Variants in ASAP1 observed in about 807,000 individuals in gnomAD.
ASAP1 encodes ArfGAP with SH3 domain, ankyrin repeat and PH domain 1, also known as arf-GAP with SH3 domain, ANK repeat and PH domain-containing protein 1.
A neutral mutation model predicts 145.2 loss-of-function variants in ASAP1; 43 were observed. The ratio of observed to expected loss-of-function variants is 0.30; its 90% confidence interval spans 0.23 to 0.38. The LOEUF (loss-of-function observed/expected upper bound fraction) is 0.38. ASAP1 is among the 10% of genes least tolerant of loss of function. The pLI, the probability that ASAP1 is intolerant of heterozygous loss-of-function variation, is 1.00. For missense variants in ASAP1, 1,018 were observed against 1,355.3 expected (o/e 0.75, Z 3.91); for synonymous variants, 546 against 515.5 (o/e 1.06, Z -0.80).
intron 1 of ASAP1, among the ~76,000 whole-genome samples, chr8:130,416,216 G>T (rs1829469536): frequency 3.3e-5 from 5 of 152,090 alleles, no homozygotes; most frequent in Admixed American, 2.6e-4. Context: ...TGATTTCAGG[G>T]TGCCCATTAG....
intron 3 of ASAP1, among the ~76,000 whole-genome samples, chr8:130,344,975 C>T (rs1215657023): frequency 6.6e-6 from 1 of 152,190 alleles, no homozygotes; most frequent in Non-Finnish European, 1.5e-5. Context: ...ACATCTCCAG[C>T]ATAGGTCTGT....
chr8:130,184,414 C>T (rs1177585649), intron 7 of ASAP1, among the ~76,000 whole-genome samples: 1 of 152,164 alleles, frequency 6.6e-6, no homozygotes, highest in Non-Finnish European at 1.5e-5. Context: ...GAGGGACTAA[C>T]AGGATCAAGA....
At chr8:130,057,262 G>A (rs1194690909) in intron 29 of ASAP1, among the ~76,000 whole-genome samples, 1 of 152,140 alleles carries the variant, frequency 6.6e-6, no homozygotes, top group East Asian at 1.9e-4. Context: ...CTGGGGTCAG[G>A]GCCGATCTGG....
At chr8:130,381,695 A>AT (rs1403751837) in intron 2 of ASAP1, among the ~76,000 whole-genome samples, 1 of 152,192 alleles carries the variant, frequency 6.6e-6, no homozygotes, top group African/African-American at 2.4e-5. Flanking sequence ...TAAAGGCCTT[A>AT]TATGACCAGG....
intron 13 of ASAP1, among the ~76,000 whole-genome samples, chr8:130,143,781 A>C (rs187605332): frequency 6.6e-5 from 10 of 152,350 alleles, no homozygotes; most frequent in Admixed American, 2.6e-4. Context: ...TAGACAGCTT[A>C]GTGTGCACCA....
At chr8:130,332,630 G>A (rs1304351696) in intron 3 of ASAP1, among the ~76,000 whole-genome samples, 2 of 152,132 alleles carry the variant, frequency 1.3e-5, no homozygotes, top group Non-Finnish European at 2.9e-5. Flanking sequence ...TAGAAACTCT[G>A]GATTTTTTCC....
intron 1 of ASAP1, among the ~76,000 whole-genome samples, chr8:130,412,427 T>C (rs1011039375): frequency 6.6e-6 from 1 of 151,962 alleles, no homozygotes; most frequent in African/African-American, 2.4e-5. Context: ...GCTTGGGCCA[T>C]GTGACGTGCC....
At position 130,276,728 on chromosome 8, in the gene ASAP1, A is replaced by ACACTCTCTCTCT. The variant is rs548512902; in HGVS notation, c.187-39735_187-39734insAGAGAGAGAGTG. Among the ~76,000 whole-genome samples the ACACTCTCTCTCT allele has an allele frequency of 1.8e-3, 157 of 87,304 alleles. 1 individual carries two copies. Among genetic ancestry groups the ACACTCTCTCTCT allele is most frequent in the East Asian group, 4.9e-3 (10 of 2,026 alleles). 57.3% of individuals were successfully genotyped at this position (87,304 alleles called of 152,430 possible). The stretch of plus-strand genomic sequence containing the variant: ...CACACACACACACACACACACACAC[A>ACACTCTCTCTCT]CTCTCTCTCTCTCTCTCTCTCTCTC... On this transcript the variant is annotated intron_variant, in intron 3 of 29. Coordinates refer to ENST00000518721, the MANE Select transcript of ASAP1 (RefSeq NM_018482.4).
chr8:130,326,551 T>G (rs116994893), intron 3 of ASAP1, among the ~76,000 whole-genome samples: 2 of 152,346 alleles, frequency 1.3e-5, no homozygotes, highest in Non-Finnish European at 1.5e-5. Context: ...GCAACAACTT[T>G]CATTTTTATT....
chr8:130,095,284 T>C lies in ASAP1; in HGVS notation c.2402-3141A>G, dbSNP rs753365571. On this transcript the variant is annotated intron_variant, in intron 24 of 29. Transcript: ENST00000518721. The stretch of plus-strand genomic sequence containing the variant: ...GACTCAACCACTACTTCTATCTTTT[T>C]AGGCCAGTGATTTTTTTTTTTTTTT... Among the ~76,000 whole-genome samples the C allele has an allele frequency of 9.9e-5, 15 of 150,754 alleles. No homozygotes were observed. The South Asian group carries it at 3.1e-3, about 31-fold the overall frequency.
chr8:130,157,724 C>A (rs752386341), intron 12 of ASAP1, among the ~76,000 whole-genome samples: 4 of 152,292 alleles, frequency 2.6e-5, no homozygotes, highest in Non-Finnish European at 4.4e-5. Flanking sequence ...ATGCTCCTGA[C>A]TACTTCCTCT....
At chr8:130,412,634 A>C (rs1287258661) in intron 1 of ASAP1, among the ~76,000 whole-genome samples, 1 of 152,012 alleles carries the variant, frequency 6.6e-6, no homozygotes, top group East Asian at 1.9e-4. Context: ...AGCAGAATAA[A>C]TAACAATTTC....
chr8:130,131,603 GAA>G (rs1159191172), intron 15 of ASAP1, among the ~76,000 whole-genome samples: 22 of 63,090 alleles, frequency 3.5e-4, no homozygotes, highest in East Asian at 7.1e-4. Flanking sequence ...CATGGCTACT[GAA>G]AAAAAAAAAA....
chr8:130,113,915 G>T (rs1173437152), intron 23 of ASAP1, among the ~76,000 whole-genome samples: 1 of 151,908 alleles, frequency 6.6e-6, no homozygotes, highest in Non-Finnish European at 1.5e-5. Flanking sequence ...CCGGGCAGCT[G>T]GGACCACAGG....
At chr8:130,270,598 C>CAA (rs756049246) in intron 3 of ASAP1, among the ~76,000 whole-genome samples, 1 of 152,164 alleles carries the variant, frequency 6.6e-6, no homozygotes, top group Non-Finnish European at 1.5e-5. Context: ...CATAAGAACA[C>CAA]AAAAACTAAA....
chr8:130,093,849 T>C (rs2097511380), intron 24 of ASAP1, among the ~76,000 whole-genome samples: 1 of 152,068 alleles, frequency 6.6e-6, no homozygotes, highest in Non-Finnish European at 1.5e-5. Context: ...CTTTCCTATT[T>C]CCCATTGTCA....
chr8:130,229,760 C>T, intron 4 of ASAP1, among the ~76,000 whole-genome samples: 1 of 152,152 alleles, frequency 6.6e-6, no homozygotes. Context: ...CCAAAATAGG[C>T]TGGGCGTGCT....
intron 3 of ASAP1, among the ~76,000 whole-genome samples, chr8:130,250,443 GC>G (rs1819122953): frequency 6.6e-6 from 1 of 152,110 alleles, no homozygotes; most frequent in Non-Finnish European, 1.5e-5. Flanking sequence ...TCCAAGTATG[GC>G]GCATGCTAAG....
chr8:130,203,099 A>C lies in ASAP1; in HGVS notation c.405+11457T>G, dbSNP rs76705648. On this transcript the variant is annotated intron_variant, in intron 5 of 29. Transcript: ENST00000518721. ...GAAGTGAATTTGAATTAAAAAAAAA[A>C]CACACACAACAACAAATGAAATGGA... Among the ~76,000 whole-genome samples the C allele has an allele frequency of 1.2e-4, 19 of 152,242 alleles. No individual in the cohort carries two copies. In the East Asian group the frequency reaches 3.5e-3, roughly 28 times the overall value.
Sources: allele counts gnomAD v4.1 joint callset (sites outside exome capture counted in the v4.1 genomes callset), GRCh38; gene constraint gnomAD v4.1.1; transcripts MANE v1.5; gene names NCBI Gene and HGNC (gene_info 2026-07-23, HGNC 2026-07-21).